ZNF740: variants seen among roughly 807,000 people sequenced by gnomAD.
ZNF740 encodes the protein oriLyt TD-element-binding protein 7.
ZNF740 carries 14 observed loss-of-function variants against 24.8 expected under a neutral mutation model. The observed-to-expected ratio is 0.56, with a 90% CI of 0.37 to 0.88. ZNF740 has a LOEUF of 0.88. Among genes scored for constraint, ZNF740 ranks in the 40% least tolerant of loss-of-function variants. The pLI is 0.00. For missense variants in ZNF740, 201 were observed against 247.9 expected (o/e 0.81, Z 1.27); for synonymous variants, 69 against 84.0 (o/e 0.82, Z 0.98).
intron 3 of ZNF740, 82 bp from the exon 4 acceptor site, chr12:53,185,305 T>C: frequency 2.1e-6 from 3 of 1,456,080 alleles, no homozygotes; most frequent in Non-Finnish European, 2.9e-6. Context: ...CTCTCATTTA[T>C]GAATTTTGTC....
At chr12:53,183,167 C>T (rs1039221884) in intron 2 of ZNF740, among the ~76,000 whole-genome samples, 1 of 152,218 alleles carries the variant, frequency 6.6e-6, no homozygotes, top group African/African-American at 2.4e-5. Context: ...GCATTGTATT[C>T]AGTCTTCTGA....
rs778272692 is a variant in ZNF740, at chr12:53,192,704, A to G, written c.*5114A>G. 1.9e-6 allele frequency: 3 copies of G among 1,613,938 alleles called. No individual in the cohort carries two copies. The highest frequency in any genetic ancestry group is 2.5e-6 in the Non-Finnish European group (3 of 1,179,918). On this transcript the variant is annotated 3_prime_UTR_variant, in exon 7 of 7. Transcript: ENST00000416904. ...CTGAGGCCTCACCGGTGTCTCTCGC[A>G]TGGTGTCTTGCAGCCTGGGCATTGG... is the stretch of plus-strand genomic sequence containing the variant.
intron 6 of ZNF740, 94 bp from the exon 7 acceptor site, chr12:53,187,407 A>T (rs1403072873): frequency 1.0e-6 from 1 of 999,198 alleles, no homozygotes; most frequent in Non-Finnish European, 1.6e-6. Flanking sequence ...GAGGGGATGG[A>T]GAATGTGGTA....
intron 2 of ZNF740, among the ~76,000 whole-genome samples, chr12:53,184,150 T>TGTGTGTGTGTGTGTGTGCGC (rs59250662): frequency 1.1e-4 from 12 of 104,424 alleles, no homozygotes; most frequent in East Asian, 1.1e-3. Context: ...TGTGTGTGTG[T>TGTGTGTGTGTGTGTGTGCGC]GCGCGCGCGC....
At chr12:53,181,403 C>G (rs1459365643) in intron 1 of ZNF740, 1 of 985,336 alleles carries the variant, frequency 1.0e-6, no homozygotes, top group African/African-American at 1.7e-5. Context: ...GGTCTCCGCC[C>G]CCTTCTTCCA....
rs969585030 is a variant in ZNF740, at chr12:53,192,072, C to T, written c.*4482C>T. 1 of 1,581,236 alleles carries T rather than the reference C, an allele frequency of 6.3e-7. No individual in the cohort carries two copies. Among genetic ancestry groups the T allele is most frequent in the Non-Finnish European group, 8.6e-7 (1 of 1,160,616 alleles). On this transcript the variant is annotated 3_prime_UTR_variant, in exon 7 of 7. Coordinates refer to ENST00000416904, the MANE Select transcript of ZNF740 (RefSeq NM_001004304.4). ...TGGGAGCTGGAGCATAGGGACAGAT[C>T]ATCAGTTGCTCACAGTGTGTCCAGC...
intron 2 of ZNF740, chr12:53,182,198 A>G (rs1941672020): frequency 4.7e-6 from 3 of 643,126 alleles, no homozygotes; most frequent in East Asian, 2.8e-5. Flanking sequence ...GAGGTAGGCT[A>G]TACTGCATCA....
In ZNF740 at chr12:53,180,747, G is replaced by T; in HGVS notation, c.-398G>T. 1.6e-6 allele frequency: 2 copies of T among 1,266,674 alleles called. No individual in the cohort carries two copies. Among genetic ancestry groups the T allele is most frequent in the Non-Finnish European group, 1.0e-6 (1 of 978,144 alleles). 78.5% of individuals were successfully genotyped at this position (1,266,674 alleles called of 1,614,324 possible). A position where few individuals can be genotyped will look rare whatever the true frequency, so the allele number is the denominator to read the frequency against. ...GTAAACTTGCCTCGGTCCCGGTGGG[G>T]GCAGCCGCGGCGGTGGGGTTGGCAG... On this transcript the variant is annotated 5_prime_UTR_variant, in exon 1 of 7. Coordinates refer to ENST00000416904, the MANE Select transcript of ZNF740 (RefSeq NM_001004304.4).
chr12:53,194,056 A>T lies in ZNF740; in HGVS notation c.*6466A>T. 1.5e-6 allele frequency: 2 copies of T among 1,372,232 alleles called. No individual in the cohort carries two copies. The highest frequency in any genetic ancestry group is 2.0e-6 in the Non-Finnish European group (2 of 986,722). 85.0% of individuals were successfully genotyped at this position (1,372,232 alleles called of 1,614,324 possible). A position where few individuals can be genotyped will look rare whatever the true frequency, so the allele number is the denominator to read the frequency against. ...AAACATGCCTGAGGAAGCCACTCAGACTGCTCCAGGAAGGATGGATGGAGG... is the reference window on the plus strand; with the variant it reads ...AAACATGCCTGAGGAAGCCACTCAGTCTGCTCCAGGAAGGATGGATGGAGG... On this transcript the variant is annotated 3_prime_UTR_variant, in exon 7 of 7. Transcript: ENST00000416904.
At chr12:53,186,660 T>G in intron 6 of ZNF740, 151 bp downstream of exon 6, 1 of 579,684 alleles carries the variant, frequency 1.7e-6, no homozygotes, top group South Asian at 2.2e-5. Flanking sequence ...TCTGGCCTTA[T>G]GCAGCTGATC....
chr12:53,182,279 T>G, intron 2 of ZNF740: 1 of 440,494 alleles, frequency 2.3e-6, no homozygotes, highest in Non-Finnish European at 4.1e-6. Flanking sequence ...TGCTGAGGGG[T>G]GTAAGGGAGT....
In ZNF740 at chr12:53,194,189, G is replaced by A. The variant is rs372709220; in HGVS notation, c.*6599G>A. ...TGCCCGCCTTCTGCCTGTGCTTGCT[G>A]GCTCTCACCGTCTGGTTGATTCGGA... is the stretch of plus-strand genomic sequence containing the variant. On this transcript the variant is annotated 3_prime_UTR_variant, in exon 7 of 7. Coordinates refer to ENST00000416904, the MANE Select transcript of ZNF740 (RefSeq NM_001004304.4). 1 of 1,613,790 alleles carries A rather than the reference G, an allele frequency of 6.2e-7. No homozygotes were observed. Among genetic ancestry groups the A allele is most frequent in the African/African-American group, 1.3e-5 (1 of 74,836 alleles).
Position 53,189,607 on chromosome 12 carries a change from C to T in ZNF740, c.*2017C>T, listed in dbSNP as rs761057319. ...GAGTGTTTGCTGCCATGTACTCTTA[C>T]AGCTCTATGCTGACACTCCCATTTG... On this transcript the variant is annotated 3_prime_UTR_variant, in exon 7 of 7. Coordinates refer to ENST00000416904, the MANE Select transcript of ZNF740 (RefSeq NM_001004304.4). 6.6e-6 allele frequency: 1 copy of T among 152,108 alleles called. No individual in the cohort carries two copies. The highest frequency in any genetic ancestry group is 1.5e-5 in the Non-Finnish European group (1 of 68,030). 9.4% of individuals were successfully genotyped at this position (152,108 alleles called of 1,614,324 possible).
rs371035663 is a variant in ZNF740 at position 53,192,370 on chromosome 12, G to A, written c.*4780G>A. On this transcript the variant is annotated 3_prime_UTR_variant, in exon 7 of 7. Coordinates refer to ENST00000416904, the MANE Select transcript of ZNF740 (RefSeq NM_001004304.4). ...CTCTGAGCACGACCGTGCCTCTGGC[G>A]TCATCCTCCACCAAGAAGAAGAACA... 3.5e-5 allele frequency: 57 copies of A among 1,614,022 alleles called. No individual in the cohort carries two copies. Among genetic ancestry groups the A allele is most frequent in the Middle Eastern group, 1.6e-4 (1 of 6,062 alleles).
chr12:53,184,159 G>GCA (rs1941773602), intron 2 of ZNF740, among the ~76,000 whole-genome samples: 1 of 137,550 alleles, frequency 7.3e-6, no homozygotes, highest in African/African-American at 3.3e-5. Context: ...GTGCGCGCGC[G>GCA]CGCTCTGAAG....
chr12:53,189,571 G>T lies in ZNF740; in HGVS notation c.*1981G>T, dbSNP rs1480705867. On this transcript the variant is annotated 3_prime_UTR_variant, in exon 7 of 7. Coordinates refer to ENST00000416904, the MANE Select transcript of ZNF740 (RefSeq NM_001004304.4). Reference sequence around the variant, plus strand: ...TGACAGCATCTGAGATCCTTTTGGGGAGACGCTGAGGAGTGTTTGCTGCCA... The same window carrying T: ...TGACAGCATCTGAGATCCTTTTGGGTAGACGCTGAGGAGTGTTTGCTGCCA... 1 of 152,136 alleles carries T rather than the reference G, an allele frequency of 6.6e-6. No homozygotes were observed. Among genetic ancestry groups the T allele is most frequent in the East Asian group, 1.9e-4 (1 of 5,184 alleles). The allele number at this position is 152,136 out of a possible 1,614,324, so 9.4% of individuals were successfully genotyped here.
Position 53,195,061 on chromosome 12 carries a change from G to T in ZNF740, c.*7471G>T, listed in dbSNP as rs914600359. ...TAACAGTTATGAAGCAAGGCTTTTG[G>T]CAGGGTTAAATGAAGTAGCAAACAG... On this transcript the variant is annotated 3_prime_UTR_variant, in exon 7 of 7. Coordinates refer to ENST00000416904, the MANE Select transcript of ZNF740 (RefSeq NM_001004304.4). The T allele has an allele frequency of 1.5e-5, 5 of 323,290 alleles. No homozygotes were observed. Among genetic ancestry groups the T allele is most frequent in the African/African-American group, 8.3e-5 (4 of 48,044 alleles). 20.0% of individuals were successfully genotyped at this position (323,290 alleles called of 1,614,324 possible). A position where few individuals can be genotyped will look rare whatever the true frequency, so the allele number is the denominator to read the frequency against.
chr12:53,181,084 T>C (rs3134641), intron 1 of ZNF740: 216,640 of 870,858 alleles, frequency 0.25, 31,671 homozygotes, highest in African/African-American at 0.63. Flanking sequence ...CGAGCACGCA[T>C]CTCGCGCGCT....
Position 53,192,921 on chromosome 12 carries a change from G to A in ZNF740, c.*5331G>A. 6.2e-7 allele frequency: 1 copy of A among 1,612,208 alleles called. No individual in the cohort carries two copies. The highest frequency in any genetic ancestry group is 8.5e-7 in the Non-Finnish European group (1 of 1,178,534). ...GGCAGCGACCAAAGCCTGGGGTAGA[G>A]CCATGCAGAGGGTGACAACCATACT... On this transcript the variant is annotated 3_prime_UTR_variant, in exon 7 of 7. Coordinates refer to ENST00000416904, the MANE Select transcript of ZNF740 (RefSeq NM_001004304.4).
Sources: allele counts gnomAD v4.1 joint callset (sites outside exome capture counted in the v4.1 genomes callset), GRCh38; gene constraint gnomAD v4.1.1; transcripts MANE v1.5; gene names NCBI Gene and HGNC (gene_info 2026-07-23, HGNC 2026-07-21).